NCALD: variants seen among roughly 807,000 people sequenced by gnomAD.
The protein encoded by NCALD is neurocalcin delta, also known as neurocalcin-delta.
In NCALD, 10 loss-of-function variants were observed where a neutral mutation model predicts 18.6. The ratio of observed to expected loss-of-function variants is 0.54; its 90% CI spans 0.33 to 0.91. NCALD has a LOEUF of 0.91. Among genes scored for constraint, NCALD ranks in the 40% least tolerant of loss-of-function variants. The pLI is 0.03. For missense variants in NCALD, 184 were observed against 247.6 expected (o/e 0.74, Z 1.72); for synonymous variants, 88 against 87.4 (o/e 1.01, Z -0.04).
At chr8:101,891,786 A>C (rs1438216370) in intron 3 of NCALD, among the ~76,000 whole-genome samples, 2 of 152,206 alleles carry the variant, frequency 1.3e-5, no homozygotes, top group Non-Finnish European at 2.9e-5. Context: ...CTCCCACCCA[A>C]ATATTGCACT....
At chr8:101,795,322 T>C (rs538183125), upstream of NCALD, among the ~76,000 whole-genome samples, 2 of 152,300 alleles carry the variant, frequency 1.3e-5, no homozygotes, top group South Asian at 4.1e-4. Flanking sequence ...TCTTATTCCA[T>C]TTGGACTGCT....
At chr8:101,907,332 C>G (rs905224748) in intron 3 of NCALD, among the ~76,000 whole-genome samples, 1 of 152,146 alleles carries the variant, frequency 6.6e-6, no homozygotes, top group East Asian at 1.9e-4. Flanking sequence ...GCCATTTTCA[C>G]TTACTTAGAT....
chr8:102,037,988 T>G (rs1822928849), intron 1 of NCALD, among the ~76,000 whole-genome samples: 2 of 152,120 alleles, frequency 1.3e-5, no homozygotes, highest in Non-Finnish European at 2.9e-5. Context: ...CCAAATAAGG[T>G]GTCTTTATTT....
chr8:101,886,081 G>T (rs919871627), intron 4 of NCALD, among the ~76,000 whole-genome samples: 8 of 151,682 alleles, frequency 5.3e-5, no homozygotes, highest in Non-Finnish European at 8.8e-5. Context: ...ATGCCATGAG[G>T]GAAAAAAAAC....
intron 1 of NCALD, among the ~76,000 whole-genome samples, chr8:102,078,983 T>C (rs1470456929): frequency 6.6e-6 from 1 of 152,132 alleles, no homozygotes; most frequent in African/African-American, 2.4e-5. Context: ...CAGTGGTGAG[T>C]TGTAGACTGC....
chr8:101,818,540 TAATA>T (rs1341105610), intron 4 of NCALD, among the ~76,000 whole-genome samples: 2 of 152,340 alleles, frequency 1.3e-5, no homozygotes, highest in South Asian at 2.1e-4. Context: ...CAATGTGGGC[TAATA>T]AATATCTTCC....
At chr8:101,765,165 C>A (rs770520107) in intron 1 of NCALD, among the ~76,000 whole-genome samples, 2 of 152,166 alleles carry the variant, frequency 1.3e-5, no homozygotes, top group African/African-American at 2.4e-5. Context: ...CACGGCACTC[C>A]AGGCAAACAG....
intron 3 of NCALD, among the ~76,000 whole-genome samples, chr8:101,901,261 C>T (rs1249131721): frequency 6.6e-6 from 1 of 151,668 alleles, no homozygotes; most frequent in African/African-American, 2.4e-5. Context: ...TTCCTATAAA[C>T]AGCATATAGT....
chr8:101,854,859 A>G (rs1815242962), intron 4 of NCALD, among the ~76,000 whole-genome samples: 1 of 152,192 alleles, frequency 6.6e-6, no homozygotes, highest in Admixed American at 6.5e-5. Flanking sequence ...TTACACAATA[A>G]ACCTCAATGA....
In NCALD at chr8:101,686,652, C is replaced by T. The variant is rs559312619; in HGVS notation, c.*2657G>A. The T allele has an allele frequency of 3.9e-5, 6 of 152,608 alleles. No individual in the cohort carries two copies. Among genetic ancestry groups the T allele is most frequent in the South Asian group, 4.2e-4 (2 of 4,804 alleles). The allele number at this position is 152,608 out of a possible 1,614,324, so 9.5% of individuals were successfully genotyped here. A position where few individuals can be genotyped will look rare whatever the true frequency, so the allele number is the denominator to read the frequency against. ...ATAAATTATATATTATTAAATCCACCGTGGGCATACAGATGGGATGGGACA... is the reference window on the plus strand; with the variant it reads ...ATAAATTATATATTATTAAATCCACTGTGGGCATACAGATGGGATGGGACA... On this transcript the variant is annotated 3_prime_UTR_variant, in exon 4 of 4. Coordinates refer to ENST00000220931, the MANE Select transcript of NCALD (RefSeq NM_032041.3).
At chr8:101,974,866 G>A (rs1182155557) in intron 2 of NCALD, among the ~76,000 whole-genome samples, 1 of 152,136 alleles carries the variant, frequency 6.6e-6, no homozygotes, top group East Asian at 1.9e-4. Flanking sequence ...CTGGGCATAA[G>A]CCAGTACTAA....
chr8:102,088,636 GTAGA>G (rs1483998680), intron 1 of NCALD, among the ~76,000 whole-genome samples: 1 of 149,878 alleles, frequency 6.7e-6, no homozygotes, highest in East Asian at 1.9e-4. Flanking sequence ...GGAATTAAAA[GTAGA>G]TAGATCTCTT....
intron 1 of NCALD, among the ~76,000 whole-genome samples, chr8:102,060,167 C>G (rs1823793552): frequency 6.6e-6 from 1 of 151,984 alleles, no homozygotes; most frequent in Non-Finnish European, 1.5e-5. Context: ...ATTTTCGGTA[C>G]AGACAGGGTT....
At chr8:101,727,703 T>C (rs1157594461) in intron 1 of NCALD, among the ~76,000 whole-genome samples, 1 of 152,274 alleles carries the variant, frequency 6.6e-6, no homozygotes, top group African/African-American at 2.4e-5. Flanking sequence ...CTTAAAGTTC[T>C]ATGAAGTCTT....
At chr8:101,837,857 A>G (rs1172260402) in intron 4 of NCALD, among the ~76,000 whole-genome samples, 3 of 152,206 alleles carry the variant, frequency 2.0e-5, no homozygotes, top group African/African-American at 7.2e-5. Context: ...AAGGTGGCCT[A>G]TGTTTTATAG....
chr8:101,732,765 G>A (rs989241937), intron 1 of NCALD, among the ~76,000 whole-genome samples: 3 of 151,658 alleles, frequency 2.0e-5, no homozygotes, highest in Non-Finnish European at 4.4e-5. Flanking sequence ...CGCCACACCC[G>A]GCTAATTTTT....
At chr8:102,124,341 C>T (rs556493492), upstream of NCALD, 1 of 152,602 alleles carries the variant, frequency 6.6e-6, no homozygotes, top group African/African-American at 2.4e-5. Flanking sequence ...CGTCGCCAGC[C>T]GCGCCCCCCT....
chr8:102,115,908 G>A (rs1056228982), intron 1 of NCALD, among the ~76,000 whole-genome samples: 21 of 152,128 alleles, frequency 1.4e-4, no homozygotes, highest in African/African-American at 4.1e-4. Flanking sequence ...CCCAGAAAAC[G>A]TTTAGCTGAG....
intron 2 of NCALD, among the ~76,000 whole-genome samples, chr8:101,989,998 G>A (rs1209700720): frequency 6.6e-6 from 1 of 152,156 alleles, no homozygotes; most frequent in Non-Finnish European, 1.5e-5. Flanking sequence ...TCAGTAAGTA[G>A]GATGCTTAGA....
Sources: gnomAD v4.1 joint callset for allele counts (sites outside exome capture counted in the v4.1 genomes callset) on GRCh38, gnomAD v4.1.1 for gene constraint, MANE v1.5 for transcripts, NCBI Gene and HGNC (gene_info 2026-07-23, HGNC 2026-07-21) for gene names.